The following NTNG1 variants were observed in gnomAD, a reference collection of about 807,000 sequenced individuals.
The protein encoded by NTNG1 is netrin-G1.
NTNG1 carries 16 observed loss-of-function variants against 54.0 expected under a neutral mutation model. That is an observed-to-expected ratio of 0.30 (90% CI 0.20 to 0.45). The LOEUF is 0.45. NTNG1 is among the 20% of genes least tolerant of loss of function. The probability of loss-of-function intolerance (pLI) is 1.00; values close to 1 mark genes in which losing one functional copy is unlikely to be tolerated. For missense variants in NTNG1, 530 were observed against 678.7 expected (o/e 0.78, Z 2.43); for synonymous variants, 255 against 263.1 (o/e 0.97, Z 0.30).
At chr1:107,191,747 G>A (rs551470495) in intron 2 of NTNG1, among the ~76,000 whole-genome samples, 2,816 of 150,728 alleles carry the variant, frequency 0.019, 95 homozygotes, top group African/African-American at 0.065. Context: ...TAGATATGTG[G>A]CGTTATTTCT....
intron 7 of NTNG1, among the ~76,000 whole-genome samples, chr1:107,465,782 C>A (rs139565179): frequency 1.3e-5 from 2 of 152,192 alleles, no homozygotes; most frequent in African/African-American, 4.8e-5. Flanking sequence ...GCTGCTCAGT[C>A]GCCAGGAGGA....
At chr1:107,351,906 A>C (rs1669634958) in intron 3 of NTNG1, among the ~76,000 whole-genome samples, 1 of 152,258 alleles carries the variant, frequency 6.6e-6, no homozygotes, top group Admixed American at 6.5e-5. Flanking sequence ...GGGAGAAACC[A>C]GCCAAAAGAA....
intron 2 of NTNG1, among the ~76,000 whole-genome samples, chr1:107,234,878 T>C (rs564721296): frequency 1.3e-5 from 2 of 152,278 alleles, no homozygotes; most frequent in South Asian, 2.1e-4. Flanking sequence ...GCCTCATGCA[T>C]GGAACAAGGG....
chr1:107,393,719 T>C (rs1672505757), intron 3 of NTNG1, among the ~76,000 whole-genome samples: 1 of 152,114 alleles, frequency 6.6e-6, no homozygotes, highest in Non-Finnish European at 1.5e-5. Flanking sequence ...CTTTCAGTAA[T>C]AGTCTTAACC....
chr1:107,427,023 A>G (rs1300141087), intron 5 of NTNG1, among the ~76,000 whole-genome samples: 3 of 152,014 alleles, frequency 2.0e-5, no homozygotes, highest in African/African-American at 7.2e-5. Context: ...ATTTTTGTAC[A>G]TTGATTTTGT....
intron 5 of NTNG1, among the ~76,000 whole-genome samples, chr1:107,420,847 T>C (rs1208682451): frequency 6.6e-6 from 1 of 152,014 alleles, no homozygotes; most frequent in Non-Finnish European, 1.5e-5. Flanking sequence ...TTGATTTAAA[T>C]GGTAATGATT....
At chr1:107,360,449 T>C (rs761842485) in intron 3 of NTNG1, among the ~76,000 whole-genome samples, 2 of 152,126 alleles carry the variant, frequency 1.3e-5, no homozygotes, top group African/African-American at 2.4e-5. Context: ...CAGTATGGAA[T>C]ACTCAAGGTG....
intron 7 of NTNG1, among the ~76,000 whole-genome samples, chr1:107,454,991 G>T (rs1676850894): frequency 6.6e-6 from 1 of 151,998 alleles, no homozygotes; most frequent in South Asian, 2.1e-4. Flanking sequence ...CCAACTCTGT[G>T]GTAAGCCTTG....
chr1:107,473,322 A>C (rs1678103747), intron 7 of NTNG1, among the ~76,000 whole-genome samples: 1 of 152,186 alleles, frequency 6.6e-6, no homozygotes, highest in Non-Finnish European at 1.5e-5. Flanking sequence ...AGAAAAGAAA[A>C]CTTCCCTTTG....
At chr1:107,355,647 T>G (rs1669894501) in intron 3 of NTNG1, among the ~76,000 whole-genome samples, 5 of 152,116 alleles carry the variant, frequency 3.3e-5, no homozygotes, top group Admixed American at 3.3e-4. Context: ...CTCAACAACA[T>G]TTACAGGAAG....
rs75590429 is a variant in NTNG1, at chr1:107,220,840, A to T, written c.246+72001A>T. Among the ~76,000 whole-genome samples, 20 of 152,352 alleles carry T rather than the reference A, an allele frequency of 1.3e-4. 1 individual carries two copies. The East Asian group carries it at 3.9e-3, about 29-fold the overall frequency. On this transcript the variant is annotated intron_variant, in intron 2 of 7. Coordinates refer to ENST00000370068, the MANE Select transcript of NTNG1 (RefSeq NM_001113226.3). Reference sequence around the variant, plus strand: ...CCCTTCCTGTGGAAAAGGGAAAAATACAGAAAATGAGTAAAAATGACATGT... The same window carrying T: ...CCCTTCCTGTGGAAAAGGGAAAAATTCAGAAAATGAGTAAAAATGACATGT...
intron 4 of NTNG1, among the ~76,000 whole-genome samples, chr1:107,398,000 C>A (rs1174444840): frequency 6.6e-6 from 1 of 151,962 alleles, no homozygotes; most frequent in Non-Finnish European, 1.5e-5. Context: ...ACTCACATGA[C>A]TCTAGTGGGT....
chr1:107,266,144 C>T (rs1176432184), intron 2 of NTNG1, among the ~76,000 whole-genome samples: 1 of 151,984 alleles, frequency 6.6e-6, no homozygotes, highest in Non-Finnish European at 1.5e-5. Context: ...CTATCAATGT[C>T]TAATATGTGG....
chr1:107,418,777 T>C, intron 5 of NTNG1: 1 of 599,344 alleles, frequency 1.7e-6, no homozygotes, highest in Admixed American at 3.3e-5. Flanking sequence ...AATTCAATCT[T>C]TTTTTCTAAT....
chr1:107,337,470 G>C (rs886841812), intron 3 of NTNG1, among the ~76,000 whole-genome samples: 12 of 151,938 alleles, frequency 7.9e-5, no homozygotes, highest in Admixed American at 7.2e-4. Flanking sequence ...AGATGAAAAA[G>C]AAGATTCATT....
chr1:107,298,329 G>A (rs1666105398), intron 2 of NTNG1, among the ~76,000 whole-genome samples: 1 of 152,092 alleles, frequency 6.6e-6, no homozygotes, highest in African/African-American at 2.4e-5. Flanking sequence ...TACTTCGACA[G>A]GAGTAAAAGT....
intron 3 of NTNG1, among the ~76,000 whole-genome samples, chr1:107,386,230 C>T (rs1274361770): frequency 6.7e-6 from 1 of 149,498 alleles, no homozygotes. Flanking sequence ...AGTTCAATGG[C>T]ATGATCTCGG....
At chr1:107,297,649 G>T (rs559084339) in intron 2 of NTNG1, among the ~76,000 whole-genome samples, 1 of 151,958 alleles carries the variant, frequency 6.6e-6, no homozygotes, top group Non-Finnish European at 1.5e-5. Context: ...TAATAAATTT[G>T]TCTCTCCCCA....
At chr1:107,403,748 T>A (rs1465884339) in intron 4 of NTNG1, 1 of 153,630 alleles carries the variant, frequency 6.5e-6, no homozygotes, top group Non-Finnish European at 1.5e-5. Context: ...TCATTTCCTC[T>A]GCACAAATTT....
Sources: allele counts gnomAD v4.1 joint callset (sites outside exome capture counted in the v4.1 genomes callset), GRCh38; gene constraint gnomAD v4.1.1; transcripts MANE v1.5; gene names NCBI Gene and HGNC (gene_info 2026-07-23, HGNC 2026-07-21).